The following SEL1L variants were observed in gnomAD, a reference collection of about 807,000 sequenced individuals.
The protein encoded by SEL1L is SEL1L adaptor subunit of SYVN1 ubiquitin ligase.
Under a neutral mutation model 109.8 loss-of-function variants are expected in SEL1L, and 52 were observed. The observed-to-expected ratio is 0.47, with a 90% CI of 0.38 to 0.60. The LOEUF is 0.60. SEL1L is among the 20% of genes least tolerant of loss of function. SEL1L has a pLI of 0.00. For synonymous variants in SEL1L, 373 were observed against 339.6 expected, an observed-to-expected ratio of 1.10 and a Z score of -1.08; for missense variants, 749 against 962.2, an observed-to-expected ratio of 0.78 and a Z score of 2.93.
chr14:81,485,597 A>G, intron 18 of SEL1L, 75 bp downstream of exon 18: 1 of 1,287,780 alleles, frequency 7.8e-7, no homozygotes, highest in Non-Finnish European at 1.1e-6. Flanking sequence ...CGGCTTCATG[A>G]TTTAATGTTC....
At chr14:81,493,123 A>G (rs1883611673) in intron 11 of SEL1L, among the ~76,000 whole-genome samples, 2 of 152,180 alleles carry the variant, frequency 1.3e-5, no homozygotes, top group South Asian at 4.1e-4. Context: ...ACCTTGTACC[A>G]TTGGTTATTC....
Position 81,498,135 on chromosome 14 carries a change from T to G in SEL1L, c.974-89A>C. On this transcript the variant is annotated intron_variant, in intron 9 of 20. Coordinates refer to ENST00000336735, the MANE Select transcript of SEL1L (RefSeq NM_005065.6). ...AAGTACAATTCCAGCTGCCAAACGTTGACGAACACATTGTTAAAGGAAGCT... is the reference window on the plus strand; with the variant it reads ...AAGTACAATTCCAGCTGCCAAACGTGGACGAACACATTGTTAAAGGAAGCT... 7.6e-6 allele frequency: 10 copies of G among 1,319,336 alleles called. No individual in the cohort carries two copies. In the South Asian group the frequency reaches 1.4e-4, roughly 19 times the overall value. 81.7% of individuals were successfully genotyped at this position (1,319,336 alleles called of 1,614,324 possible). A position where few individuals can be genotyped will look rare whatever the true frequency, so the allele number is the denominator to read the frequency against.
In SEL1L at chr14:81,506,140, C is replaced by A; in HGVS notation, c.442G>T (p.Asp148Tyr). ...GTTGTAGCACACCACAGTCTGCCAT[C>A]TTCCCTCCCATCTGATGTACATTCA... is the stretch of plus-strand genomic sequence containing the variant. ...YDECTSDGRE[D>Y]GRLWCATTYD... The change falls in exon 4 of 21, where the codon GAT becomes TAT. Residue 148 changes from aspartate to tyrosine, a missense_variant. Physicochemically the swap from Asp to Tyr is radical, Grantham distance 160. This residue lies in a region of SEL1L where 366 missense variants were observed against 399.8 expected (regional missense o/e 0.92). Transcript: ENST00000336735. The A allele has an allele frequency of 6.2e-7, 1 of 1,614,090 alleles. No individual in the cohort carries two copies. Among genetic ancestry groups the A allele is most frequent in the Non-Finnish European group, 8.5e-7 (1 of 1,179,942 alleles).
chr14:81,513,721 G>A (rs535639641), intron 3 of SEL1L, among the ~76,000 whole-genome samples: 29 of 152,260 alleles, frequency 1.9e-4, no homozygotes, highest in African/African-American at 6.5e-4. Flanking sequence ...CTAAAGACAC[G>A]GATGTCAGGC....
At chr14:81,529,898 A>G (rs2140066547) in intron 1 of SEL1L, among the ~76,000 whole-genome samples, 1 of 152,368 alleles carries the variant, frequency 6.6e-6, no homozygotes, top group South Asian at 2.1e-4. Flanking sequence ...TGCATAAATA[A>G]AAAGCAAACA....
intron 2 of SEL1L, among the ~76,000 whole-genome samples, 194 bp from the exon 3 acceptor site, chr14:81,527,158 T>C (rs1444384948): frequency 1.3e-5 from 2 of 152,176 alleles, no homozygotes; most frequent in Non-Finnish European, 2.9e-5. Context: ...CCTTTTTGAA[T>C]TTCAACTTAG....
In SEL1L at chr14:81,476,241, G is replaced by A. The variant is rs887253919; in HGVS notation, c.*731C>T. 1.3e-5 allele frequency: 2 copies of A among 152,158 alleles called. No individual in the cohort carries two copies. The highest frequency in any genetic ancestry group is 4.8e-5 in the African/African-American group (2 of 41,426). The allele number at this position is 152,158 out of a possible 1,614,324, so 9.4% of individuals were successfully genotyped here. On this transcript the variant is annotated 3_prime_UTR_variant, in exon 21 of 21. Transcript: ENST00000336735. ...GTGGGGCAAACTCGCGTTAGTGCAA[G>A]GAGTCAGTTCACAAGGTTTTGCATA...
rs139309887 is a variant in SEL1L, at chr14:81,509,672, C to T, written c.341-3431G>A. On this transcript the variant is annotated intron_variant, in intron 3 of 20. Coordinates refer to ENST00000336735, the MANE Select transcript of SEL1L (RefSeq NM_005065.6). ...GCAAAATAAAACGGAAAATATGCAG[C>T]GTCGGCCAGAAGATGGGTAAATAGG... 2.0e-3 allele frequency among the ~76,000 whole-genome samples: 305 copies of T among 152,226 alleles called. 3 individuals are homozygous for T. Among genetic ancestry groups the T allele is most frequent in the African/African-American group, 7.1e-3 (293 of 41,524 alleles).
intron 15 of SEL1L, 47 bp from the exon 16 acceptor site, chr14:81,487,585 G>T: frequency 6.4e-7 from 1 of 1,574,020 alleles, no homozygotes. Flanking sequence ...TTAAGATTTA[G>T]CTAAGTATCA....
chr14:81,493,864 T>A (rs936212370), intron 11 of SEL1L, among the ~76,000 whole-genome samples: 1 of 152,230 alleles, frequency 6.6e-6, no homozygotes, highest in Non-Finnish European at 1.5e-5. Flanking sequence ...GCTAACAAGA[T>A]GTCACACTCT....
chr14:81,528,442 T>C (rs1045919502), intron 1 of SEL1L, among the ~76,000 whole-genome samples: 1 of 152,126 alleles, frequency 6.6e-6, no homozygotes, highest in African/African-American at 2.4e-5. Context: ...ACAGCCTGCT[T>C]TGGTGTTGTC....
At chr14:81,506,770 G>C (rs546959588) in intron 3 of SEL1L, among the ~76,000 whole-genome samples, 4 of 152,214 alleles carry the variant, frequency 2.6e-5, no homozygotes, top group African/African-American at 9.6e-5. Context: ...GTTCCCATTG[G>C]ACTTTGAGCT....
intron 10 of SEL1L, among the ~76,000 whole-genome samples, chr14:81,495,341 G>A (rs1883699126): frequency 6.6e-6 from 1 of 152,194 alleles, no homozygotes; most frequent in South Asian, 2.1e-4. Context: ...ACTTGTAATT[G>A]CAAAGTACCA....
chr14:81,477,233 G>T, intron 20 of SEL1L, 52 bp from the exon 21 acceptor site: 1 of 1,454,892 alleles, frequency 6.9e-7, no homozygotes, highest in Non-Finnish European at 9.6e-7. Context: ...GTCAGGCAAG[G>T]AACTGGGAAA....
intron 3 of SEL1L, among the ~76,000 whole-genome samples, chr14:81,514,355 G>A (rs1481869783): frequency 6.6e-6 from 1 of 152,202 alleles, no homozygotes; most frequent in Non-Finnish European, 1.5e-5. Flanking sequence ...CTCCCTTAGG[G>A]TATGGCCCTC....
At chr14:81,490,578 A>G in intron 12 of SEL1L, 113 bp from the exon 13 acceptor site, 1 of 812,200 alleles carries the variant, frequency 1.2e-6, no homozygotes, top group Non-Finnish European at 2.0e-6. Context: ...TTTCCAAAAA[A>G]TTTAGAATTC....
Position 81,487,509 on chromosome 14 carries a change from G to T in SEL1L, c.1513C>A (p.Gln505Lys). 6.2e-7 allele frequency: 1 copy of T among 1,603,548 alleles called. No homozygotes were observed. Among genetic ancestry groups the T allele is most frequent in the Non-Finnish European group, 8.5e-7 (1 of 1,177,918 alleles). Residue 505 changes from glutamine (Q) to lysine (K), a missense_variant, in exon 16 of 21, where the codon CAG becomes AAG. By Grantham distance (53) the Gln-to-Lys change is moderately conservative. This residue lies in a region of SEL1L where 383 missense variants were observed against 562.5 expected (regional missense o/e 0.68). Coordinates refer to ENST00000336735, the MANE Select transcript of SEL1L (RefSeq NM_005065.6). The stretch of plus-strand genomic sequence containing the variant: ...GCTAAATTAAAATACTTCAAGGCCT[G>T]TTTATAATCTCTCTTGACTCCAATG... ...NGIGVKRDYKQALKYFNLASQ... is the reference protein window; with the variant it reads ...NGIGVKRDYKKALKYFNLASQ...
At chr14:81,504,020 T>C (rs1448393924) in intron 5 of SEL1L, among the ~76,000 whole-genome samples, 181 bp downstream of exon 5, 1 of 152,218 alleles carries the variant, frequency 6.6e-6, no homozygotes, top group African/African-American at 2.4e-5. Flanking sequence ...CAATTTTACC[T>C]TAACTAAAGT....
In SEL1L at chr14:81,520,977, C is replaced by T. The variant is rs148116970; in HGVS notation, c.340+5756G>A. Among the ~76,000 whole-genome samples, 772 of 152,222 alleles carry T rather than the reference C, an allele frequency of 5.1e-3. 8 individuals carry two copies. Among genetic ancestry groups the T allele is most frequent in the Middle Eastern group, 0.014 (4 of 294 alleles). The stretch of plus-strand genomic sequence containing the variant: ...AGTCTAATTGAGGAAAGAAACGACC[C>T]GAGAGCAGCTCTGGCAGTCACAGAC... On this transcript the variant is annotated intron_variant, in intron 3 of 20. Transcript: ENST00000336735.
Sources: allele counts gnomAD v4.1 joint callset (sites outside exome capture counted in the v4.1 genomes callset), GRCh38; gene constraint gnomAD v4.1.1; regional missense constraint gnomAD v4.1.1; transcripts MANE v1.5; gene names NCBI Gene and HGNC (gene_info 2026-07-23, HGNC 2026-07-21).